Variants in ART3 observed in about 807,000 individuals in gnomAD.
The protein encoded by ART3 is ADP-ribosyltransferase 3 (inactive).
In ART3, 49 loss-of-function variants were observed where a neutral mutation model predicts 48.5. The observed-to-expected ratio is 1.01, with a 90% CI of 0.80 to 1.28. The LOEUF (loss-of-function observed/expected upper bound fraction) is 1.28, where lower values mean the gene tolerates loss of function less well. ART3 is among the 50% of genes most tolerant of loss of function. ART3 has a pLI of 0.00. For missense variants in ART3, 438 were observed against 454.3 expected (o/e 0.96, Z 0.33); for synonymous variants, 145 against 157.2 (o/e 0.92, Z 0.58).
chr4:76,100,624 C>T (rs904405983), intron 6 of ART3, among the ~76,000 whole-genome samples, 171 bp from the exon 7 acceptor site: 2 of 125,196 alleles, frequency 1.6e-5, no homozygotes, highest in Admixed American at 8.8e-5. Context: ...AGCGAGGCTC[C>T]GTCTCAAAAA....
intron 2 of ART3, among the ~76,000 whole-genome samples, 164 bp from the exon 3 acceptor site, chr4:76,081,660 A>C (rs1267467487): frequency 1.3e-5 from 2 of 152,228 alleles, no homozygotes; most frequent in African/African-American, 4.8e-5. Context: ...AAAAGTTATC[A>C]ATAGCAATGG....
rs557956581 is a variant in ART3 at position 76,066,545 on chromosome 4, C to T, written c.-9-9336C>T. On this transcript the variant is annotated intron_variant, in intron 1 of 9. Coordinates refer to the ART3 transcript ENST00000341029. ...GATCTCTGAAGCTATTAGCAGAGAG[C>T]GTAATTAGCAGAGAGGGTAGCTCCT... 1.4e-4 allele frequency among the ~76,000 whole-genome samples: 21 copies of T among 152,150 alleles called. No homozygotes were observed. The East Asian group carries it at 3.5e-3, about 25-fold the overall frequency.
intron 1 of ART3, among the ~76,000 whole-genome samples, chr4:76,031,631 C>A (rs993324444): frequency 6.6e-6 from 1 of 152,202 alleles, no homozygotes; most frequent in African/African-American, 2.4e-5. Context: ...TCCAACCAAA[C>A]GAATCTAATT....
intron 3 of ART3, 21 bp from the exon 4 acceptor site, chr4:76,097,623 A>G (rs374189349): frequency 1.1e-5 from 18 of 1,594,878 alleles, no homozygotes; most frequent in Non-Finnish European, 3.4e-6. Flanking sequence ...TAACTAATAA[A>G]GCTTTATCTT....
At chr4:76,073,904 A>C (rs1720591538), upstream of ART3, among the ~76,000 whole-genome samples, 1 of 152,204 alleles carries the variant, frequency 6.6e-6, no homozygotes, top group African/African-American at 2.4e-5. Flanking sequence ...TGCTATATAA[A>C]ATTTCACTTA....
chr4:76,077,529 T>C (rs539569828), intron 2 of ART3, among the ~76,000 whole-genome samples: 1 of 152,366 alleles, frequency 6.6e-6, no homozygotes, highest in Admixed American at 6.5e-5. Context: ...TAAAAAATTT[T>C]CTAATCATAT....
At position 76,094,788 on chromosome 4, in the gene ART3, G is replaced by T. The variant is rs577018860; in HGVS notation, c.782-2856G>T. Among the ~76,000 whole-genome samples, 14 of 152,266 alleles carry T rather than the reference G, an allele frequency of 9.2e-5. No homozygotes were observed. The South Asian group carries it at 2.3e-3, about 25-fold the overall frequency. On this transcript the variant is annotated intron_variant, in intron 3 of 11. Coordinates refer to ENST00000355810, the MANE Select transcript of ART3 (RefSeq NM_001130016.3). ...ACTGAATACTTGAGGGAAACCCTTT[G>T]CAGATCTCTGGAGTTCTCTGTTTGT...
chr4:76,062,244 A>T (rs1330281430), intron 1 of ART3, among the ~76,000 whole-genome samples: 1 of 152,230 alleles, frequency 6.6e-6, no homozygotes, highest in Non-Finnish European at 1.5e-5. Context: ...CAGAGAGAGT[A>T]AGCTTACATT....
intron 1 of ART3, among the ~76,000 whole-genome samples, chr4:76,025,830 A>G (rs1339697878): frequency 6.6e-6 from 1 of 152,138 alleles, no homozygotes; most frequent in African/African-American, 2.4e-5. Context: ...GATTTTAGTT[A>G]TTATATATAA....
chr4:76,044,694 T>C (rs1460452084), intron 1 of ART3, among the ~76,000 whole-genome samples: 1 of 152,012 alleles, frequency 6.6e-6, no homozygotes, highest in Non-Finnish European at 1.5e-5. Context: ...TGACACCCTC[T>C]TTAACGTTCT....
intron 3 of ART3, among the ~76,000 whole-genome samples, chr4:76,091,660 C>T (rs1396221881): frequency 6.8e-6 from 1 of 147,494 alleles, no homozygotes; most frequent in Non-Finnish European, 1.5e-5. Flanking sequence ...CAAATATTTT[C>T]TCTGAATTTG....
upstream of ART3, among the ~76,000 whole-genome samples, chr4:76,070,281 T>C (rs1720183983): frequency 6.6e-6 from 1 of 152,230 alleles, no homozygotes; most frequent in Non-Finnish European, 1.5e-5. Flanking sequence ...GTTTAAAAAA[T>C]AGCTGTATCA....
intron 1 of ART3, chr4:76,036,734 G>T: frequency 5.0e-6 from 1 of 198,938 alleles, no homozygotes; most frequent in Non-Finnish European, 1.1e-5. Context: ...TTCATTATAG[G>T]CAGATGGCAG....
intron 1 of ART3, among the ~76,000 whole-genome samples, chr4:76,016,057 G>A (rs1028770131): frequency 1.3e-5 from 2 of 152,146 alleles, no homozygotes; most frequent in African/African-American, 2.4e-5. Flanking sequence ...GGTAATACTG[G>A]CCTTATAGAA....
At chr4:76,083,801 G>A (rs1722978636) in intron 3 of ART3, among the ~76,000 whole-genome samples, 1 of 152,196 alleles carries the variant, frequency 6.6e-6, no homozygotes, top group African/African-American at 2.4e-5. Flanking sequence ...AGAAGCTTGG[G>A]AAGGGGGTAA....
intron 10 of ART3, chr4:76,105,788 T>C (rs1728342076): frequency 1.0e-6 from 1 of 985,310 alleles, no homozygotes; most frequent in African/African-American, 1.7e-5. Context: ...GATCTTAAAC[T>C]GGAACAGTTG....
upstream of ART3, among the ~76,000 whole-genome samples, chr4:76,073,364 T>C (rs1720517557): frequency 6.6e-6 from 1 of 152,170 alleles, no homozygotes; most frequent in Non-Finnish European, 1.5e-5. Flanking sequence ...AAACTTTCTT[T>C]TTTCTTTCTA....
intron 1 of ART3, chr4:76,023,227 G>T: frequency 4.6e-6 from 3 of 654,936 alleles, no homozygotes; most frequent in South Asian, 2.0e-5. Flanking sequence ...TAAGTTTTAT[G>T]ATCTGAGGGA....
intron 8 of ART3, among the ~76,000 whole-genome samples, chr4:76,101,700 C>T (rs1462602190): frequency 1.3e-5 from 2 of 151,996 alleles, no homozygotes; most frequent in African/African-American, 2.4e-5. Flanking sequence ...TGCAGTGAGC[C>T]GAGATCGCGC....
Sources: gnomAD v4.1 joint callset for allele counts (sites outside exome capture counted in the v4.1 genomes callset) on GRCh38, gnomAD v4.1.1 for gene constraint, MANE v1.5 for transcripts, NCBI Gene and HGNC (gene_info 2026-07-23, HGNC 2026-07-21) for gene names.